PDIA5: variants seen among roughly 807,000 people sequenced by gnomAD.
PDIA5 encodes protein disulfide-isomerase A5.
Under a neutral mutation model 77.6 loss-of-function variants are expected in PDIA5, and 58 were observed. The observed-to-expected ratio is 0.75, with a 90% CI of 0.61 to 0.93. The LOEUF (loss-of-function observed/expected upper bound fraction) is 0.93. PDIA5 is among the 40% of genes least tolerant of loss of function. The probability of loss-of-function intolerance (pLI) is 0.00; values close to 1 mark genes in which losing one functional copy is unlikely to be tolerated. For missense variants in PDIA5, 630 were observed against 647.7 expected, an observed-to-expected ratio of 0.97 and a Z score of 0.30; for synonymous variants, 250 against 252.1, an observed-to-expected ratio of 0.99 and a Z score of 0.08.
At chr3:123,071,873 A>G (rs1933733976) in intron 1 of PDIA5, among the ~76,000 whole-genome samples, 2 of 152,186 alleles carry the variant, frequency 1.3e-5, no homozygotes, top group African/African-American at 4.8e-5. Context: ...GGCTGATGGA[A>G]CTAATGTCAC....
chr3:123,109,593 A>G lies in PDIA5; in HGVS notation c.481-1351A>G, dbSNP rs1185094145. Among the ~76,000 whole-genome samples the G allele has an allele frequency of 3.3e-5, 5 of 152,212 alleles. No individual in the cohort carries two copies. The East Asian group carries it at 9.6e-4, about 29-fold the overall frequency. ...TCCAGAATTTATTCTAGTGTTTTGG[A>G]TATCCACAAAAATTTAATCTTTTTT... On this transcript the variant is annotated intron_variant, in intron 6 of 16. Transcript: ENST00000316218.
chr3:123,072,165 T>G (rs1307126521), intron 1 of PDIA5, among the ~76,000 whole-genome samples: 3 of 152,196 alleles, frequency 2.0e-5, no homozygotes, highest in Non-Finnish European at 2.9e-5. Context: ...ACTTTCATCC[T>G]TACTTTCCTC....
chr3:123,129,029 C>G (rs1442410493), intron 10 of PDIA5, among the ~76,000 whole-genome samples: 1 of 150,984 alleles, frequency 6.6e-6, no homozygotes, highest in Non-Finnish European at 1.5e-5. Context: ...AGATGGACAG[C>G]AGTTTACCTA....
chr3:123,109,710 C>T (rs1934818641), intron 6 of PDIA5, among the ~76,000 whole-genome samples: 1 of 152,042 alleles, frequency 6.6e-6, no homozygotes, highest in Non-Finnish European at 1.5e-5. Flanking sequence ...AAAATCACCT[C>T]ATACCTTTAC....
At chr3:123,086,474 C>T (rs1463916739) in intron 1 of PDIA5, among the ~76,000 whole-genome samples, 1 of 152,208 alleles carries the variant, frequency 6.6e-6, no homozygotes, top group Non-Finnish European at 1.5e-5. Flanking sequence ...GGATTCAGAT[C>T]CTGGCTCTAC....
intron 1 of PDIA5, chr3:123,067,502 G>C: frequency 2.7e-6 from 1 of 366,302 alleles, no homozygotes; most frequent in Non-Finnish European, 4.9e-6. Flanking sequence ...TGCAGGTCGG[G>C]GCACAGCCGG....
intron 13 of PDIA5, among the ~76,000 whole-genome samples, chr3:123,149,822 T>A (rs1258167912): frequency 4.6e-5 from 7 of 152,036 alleles, no homozygotes; most frequent in African/African-American, 1.7e-4. Flanking sequence ...TGGCCCATGC[T>A]CTCCACCAGA....
chr3:123,122,346 G>T (rs1935138865), intron 8 of PDIA5, among the ~76,000 whole-genome samples: 1 of 152,184 alleles, frequency 6.6e-6, no homozygotes, highest in Admixed American at 6.5e-5. Context: ...TCTGGGAAAT[G>T]AGCAGAATGA....
chr3:123,082,430 C>A (rs1398711293), intron 1 of PDIA5, among the ~76,000 whole-genome samples: 1 of 151,994 alleles, frequency 6.6e-6, no homozygotes, highest in African/African-American at 2.4e-5. Context: ...GAGTACCTAC[C>A]CACTGGGGTA....
chr3:123,136,915 G>A (rs1422131948), intron 11 of PDIA5, among the ~76,000 whole-genome samples: 1 of 152,066 alleles, frequency 6.6e-6, no homozygotes, highest in Non-Finnish European at 1.5e-5. Flanking sequence ...CCATTGAATA[G>A]TATTTTATAA....
intron 10 of PDIA5, among the ~76,000 whole-genome samples, chr3:123,127,686 G>A (rs1414280129): frequency 6.6e-6 from 1 of 152,070 alleles, no homozygotes; most frequent in East Asian, 1.9e-4. Flanking sequence ...TGTTAGTGTT[G>A]GTTCTCCTCT....
rs145255626 is a variant in PDIA5, at chr3:123,124,122, C to T, written c.666C>T (p.Tyr222=). 36 of 1,614,060 alleles carry T rather than the reference C, an allele frequency of 2.2e-5. No homozygotes were observed. The African/African-American group carries it at 4.1e-4, about 19-fold the overall frequency. Residue 222 remains tyrosine (Y), a synonymous_variant, in exon 9 of 17, where the codon TAC becomes TAT. Coordinates refer to ENST00000316218, the MANE Select transcript of PDIA5 (RefSeq NM_006810.4). ...AATTTGAAAACATCAAGGAGGAGTA[C>T]AGCGTGCGCGGCTTCCCCACCATCT... is the stretch of plus-strand genomic sequence containing the variant. ...SSEFENIKEE[Y]SVRGFPTICY...
intron 7 of PDIA5, among the ~76,000 whole-genome samples, chr3:123,113,719 G>A (rs1375413193): frequency 6.6e-6 from 1 of 152,298 alleles, no homozygotes; most frequent in Admixed American, 6.5e-5. Flanking sequence ...TAACTGGGAC[G>A]TCTGTTAGGA....
chr3:123,150,142 C>T, intron 13 of PDIA5, 92 bp from the exon 14 acceptor site: 5 of 846,582 alleles, frequency 5.9e-6, no homozygotes, highest in Non-Finnish European at 7.6e-6. Context: ...ATGCATGTTC[C>T]CCCGAGTGGT....
At chr3:123,068,776 T>C (rs1933651512) in intron 1 of PDIA5, among the ~76,000 whole-genome samples, 1 of 152,222 alleles carries the variant, frequency 6.6e-6, no homozygotes, top group Non-Finnish European at 1.5e-5. Context: ...CCGTCTGGTG[T>C]TGCCCTGGAT....
chr3:123,148,568 T>TAAA (rs144004309), intron 13 of PDIA5, among the ~76,000 whole-genome samples: 1 of 142,650 alleles, frequency 7.0e-6, no homozygotes, highest in African/African-American at 2.6e-5. Flanking sequence ...GACCCTGTCT[T>TAAA]AAAAAAAAAA....
intron 3 of PDIA5, among the ~76,000 whole-genome samples, chr3:123,094,555 C>T (rs541763083): frequency 4.1e-4 from 63 of 152,378 alleles, no homozygotes; most frequent in East Asian, 7.7e-4. Flanking sequence ...GGGGAGCCCC[C>T]GTGTCAGCTC....
At chr3:123,069,703 A>G (rs1933675847) in intron 1 of PDIA5, among the ~76,000 whole-genome samples, 1 of 152,172 alleles carries the variant, frequency 6.6e-6, no homozygotes, top group Admixed American at 6.5e-5. Context: ...ATCCACCCTC[A>G]TGACCTAATT....
chr3:123,132,542 G>A (rs911049269), intron 11 of PDIA5, among the ~76,000 whole-genome samples: 3 of 152,202 alleles, frequency 2.0e-5, no homozygotes, highest in African/African-American at 4.8e-5. Context: ...CTGATGAAGC[G>A]CAATGAAGGG....
Sources: gnomAD v4.1 joint callset for allele counts (sites outside exome capture counted in the v4.1 genomes callset) on GRCh38, gnomAD v4.1.1 for gene constraint, MANE v1.5 for transcripts, NCBI Gene and HGNC (gene_info 2026-07-23, HGNC 2026-07-21) for gene names.